OLA1: variants seen among roughly 807,000 people sequenced by gnomAD.
OLA1 encodes Obg like ATPase 1.
OLA1 carries 14 observed loss-of-function variants against 48.4 expected under a neutral mutation model. The observed-to-expected ratio is 0.29, with a 90% CI of 0.19 to 0.45. The LOEUF is 0.45. Among genes scored for constraint, OLA1 ranks in the 20% least tolerant of loss-of-function variants. OLA1 has a pLI of 1.00. For synonymous variants in OLA1, 127 were observed against 150.4 expected, an observed-to-expected ratio of 0.84 and a Z score of 1.14; for missense variants, 325 against 467.1, an observed-to-expected ratio of 0.70 and a Z score of 2.80.
At chr2:174,232,387 T>G (rs1032320768) in intron 2 of OLA1, among the ~76,000 whole-genome samples, 3 of 152,152 alleles carry the variant, frequency 2.0e-5, no homozygotes, top group South Asian at 2.1e-4. Context: ...ATAACTAAAC[T>G]GTTAAAAGCA....
At chr2:174,219,422 C>CTTTTTTTTTTTTTT (rs1559011396) in intron 4 of OLA1, among the ~76,000 whole-genome samples, 2 of 144,200 alleles carry the variant, frequency 1.4e-5, no homozygotes, top group African/African-American at 5.2e-5. Flanking sequence ...ATTTTATTTC[C>CTTTTTTTTTTTTTT]CTTTTTTTTT....
chr2:174,149,660 G>T (rs1204495207), intron 4 of OLA1, among the ~76,000 whole-genome samples: 1 of 152,152 alleles, frequency 6.6e-6, no homozygotes, highest in Non-Finnish European at 1.5e-5. Context: ...AGATACATTT[G>T]ACTATTCCTG....
chr2:174,170,544 T>C (rs1304510164), intron 4 of OLA1, among the ~76,000 whole-genome samples: 1 of 152,214 alleles, frequency 6.6e-6, no homozygotes, highest in East Asian at 1.9e-4. Flanking sequence ...AGGTGTTGAC[T>C]ATCAGAATTG....
At chr2:174,113,558 AAAC>A (rs1244361094) in intron 7 of OLA1, among the ~76,000 whole-genome samples, 6 of 152,234 alleles carry the variant, frequency 3.9e-5, no homozygotes, top group Non-Finnish European at 4.4e-5. Context: ...GACAAGGCAA[AAAC>A]AGCAGCAGCA....
At chr2:174,197,594 T>A (rs1283325624) in intron 4 of OLA1, among the ~76,000 whole-genome samples, 2 of 152,190 alleles carry the variant, frequency 1.3e-5, no homozygotes, top group Admixed American at 6.5e-5. Context: ...CCCACTTCCC[T>A]ACCTCTAAAT....
intron 4 of OLA1, among the ~76,000 whole-genome samples, chr2:174,213,242 A>T (rs1273061808): frequency 4.6e-5 from 7 of 152,154 alleles, no homozygotes; most frequent in Admixed American, 4.6e-4. Flanking sequence ...CGGGAAGAAA[A>T]CTGTCCCATA....
intron 4 of OLA1, among the ~76,000 whole-genome samples, chr2:174,185,980 T>C (rs1202474666): frequency 6.6e-6 from 1 of 151,952 alleles, no homozygotes; most frequent in Non-Finnish European, 1.5e-5. Context: ...TCAGAAAACA[T>C]TACATAAGAG....
chr2:174,132,560 C>A (rs1242813198), intron 5 of OLA1, among the ~76,000 whole-genome samples: 1 of 152,092 alleles, frequency 6.6e-6, no homozygotes, highest in Non-Finnish European at 1.5e-5. Context: ...TTATCATAAA[C>A]TATTTTCTTT....
At chr2:174,234,769 CTG>C (rs1688807665) in intron 2 of OLA1, among the ~76,000 whole-genome samples, 1 of 151,694 alleles carries the variant, frequency 6.6e-6, no homozygotes, top group Non-Finnish European at 1.5e-5. Context: ...CAGCCCTCAA[CTG>C]TACCTTAAGG....
At chr2:174,104,671 A>G (rs1286584203) in intron 7 of OLA1, among the ~76,000 whole-genome samples, 3 of 152,060 alleles carry the variant, frequency 2.0e-5, no homozygotes, top group African/African-American at 7.2e-5. Flanking sequence ...TAAATCTTAA[A>G]TTAACCTGTT....
intron 10 of OLA1, 122 bp downstream of exon 10, chr2:174,078,846 C>T (rs1162464746): frequency 1.1e-6 from 1 of 951,410 alleles, no homozygotes; most frequent in Non-Finnish European, 1.5e-6. Context: ...AAACGCTGAT[C>T]ATCTTATTAC....
At chr2:174,186,165 T>C (rs2105418161) in intron 4 of OLA1, among the ~76,000 whole-genome samples, 1 of 152,238 alleles carries the variant, frequency 6.6e-6, no homozygotes, top group South Asian at 2.1e-4. Flanking sequence ...TCAAAACATG[T>C]AAGTAAGTTA....
intron 7 of OLA1, among the ~76,000 whole-genome samples, chr2:174,112,618 T>C (rs1685679382): frequency 6.6e-6 from 1 of 152,166 alleles, no homozygotes; most frequent in South Asian, 2.1e-4. Context: ...TATGAAGCAA[T>C]TAATGCTGTA....
intron 4 of OLA1, among the ~76,000 whole-genome samples, chr2:174,206,392 A>C (rs59666776): frequency 0.12 from 17,595 of 152,078 alleles, 2,253 homozygotes; most frequent in East Asian, 0.7. Flanking sequence ...AACAAACAAA[A>C]AAAAACTGAT....
At chr2:174,118,597 A>G (rs1663863596) in intron 7 of OLA1, among the ~76,000 whole-genome samples, 1 of 152,226 alleles carries the variant, frequency 6.6e-6, no homozygotes, top group African/African-American at 2.4e-5. Flanking sequence ...AAACCTTTTA[A>G]TCTGTGGAAG....
chr2:174,227,648 T>C (rs1688645239), intron 3 of OLA1, among the ~76,000 whole-genome samples: 1 of 152,164 alleles, frequency 6.6e-6, no homozygotes, highest in Admixed American at 6.5e-5. Context: ...GAAGAGCCAA[T>C]CTGAGGGATA....
chr2:174,113,084 G>A (rs1391379052), intron 7 of OLA1, among the ~76,000 whole-genome samples: 1 of 152,034 alleles, frequency 6.6e-6, no homozygotes, highest in Non-Finnish European at 1.5e-5. Context: ...GGGATTACAG[G>A]TGCCCGCCAC....
intron 4 of OLA1, among the ~76,000 whole-genome samples, chr2:174,168,431 C>G (rs2105403357): frequency 6.6e-6 from 1 of 152,046 alleles, no homozygotes; most frequent in East Asian, 1.9e-4. Context: ...GAGAGAAAAA[C>G]TGGAACCTAG....
intron 4 of OLA1, among the ~76,000 whole-genome samples, chr2:174,208,406 A>ACCTCTGAAAATGCG (rs1362999611): frequency 2.0e-5 from 3 of 152,192 alleles, no homozygotes; most frequent in South Asian, 4.2e-4. Flanking sequence ...TGAAAAATGC[A>ACCTCTGAAAATGCG]CCTCTGAAAA....
Sources: allele counts gnomAD v4.1 joint callset (sites outside exome capture counted in the v4.1 genomes callset), GRCh38; gene constraint gnomAD v4.1.1; transcripts MANE v1.5; gene names NCBI Gene and HGNC (gene_info 2026-07-23, HGNC 2026-07-21).